The following SNTB1 variants were observed in gnomAD, a reference collection of about 807,000 sequenced individuals.
The protein encoded by SNTB1 is syntrophin beta 1.
SNTB1 carries 36 observed loss-of-function variants against 48.9 expected under a neutral mutation model. The observed-to-expected ratio is 0.74, with a 90% CI of 0.56 to 0.97. The LOEUF (loss-of-function observed/expected upper bound fraction) is 0.97. Ranked by LOEUF, SNTB1 falls within the 50% of genes least tolerant of loss-of-function variation. The probability of loss-of-function intolerance (pLI) is 0.00; values close to 1 mark genes in which losing one functional copy is unlikely to be tolerated. For missense variants in SNTB1, 786 were observed against 703.4 expected (o/e 1.12, Z -1.33); for synonymous variants, 299 against 294.6 (o/e 1.01, Z -0.15).
At chr8:120,746,299 C>T (rs745832759) in intron 1 of SNTB1, among the ~76,000 whole-genome samples, 8 of 152,008 alleles carry the variant, frequency 5.3e-5, no homozygotes, top group Admixed American at 2.6e-4. Flanking sequence ...TTCTTAATAA[C>T]ATTTTTTTCT....
intron 1 of SNTB1, among the ~76,000 whole-genome samples, chr8:120,704,362 A>G (rs533930603): frequency 6.6e-6 from 1 of 152,270 alleles, no homozygotes; most frequent in South Asian, 2.1e-4. Context: ...AGGCTGAAGC[A>G]GGAGGATCAC....
chr8:120,614,976 T>TAAAAAAAAA (rs61318757), intron 3 of SNTB1, among the ~76,000 whole-genome samples: 21 of 73,270 alleles, frequency 2.9e-4, no homozygotes, highest in African/African-American at 9.8e-4. Context: ...TCACCTCTAC[T>TAAAAAAAAA]AAAAAAAAAA....
intron 5 of SNTB1, among the ~76,000 whole-genome samples, chr8:120,545,287 G>A (rs544924325): frequency 6.6e-6 from 1 of 152,164 alleles, no homozygotes; most frequent in East Asian, 1.9e-4. Flanking sequence ...GAGGTTGCAG[G>A]GAGCCGAGAT....
At chr8:120,736,483 C>T (rs935677393) in intron 1 of SNTB1, among the ~76,000 whole-genome samples, 3 of 152,182 alleles carry the variant, frequency 2.0e-5, no homozygotes, top group African/African-American at 7.2e-5. Flanking sequence ...TGACCATGAA[C>T]CTGCTTACTG....
chr8:120,765,049 A>C (rs992655543), intron 1 of SNTB1, among the ~76,000 whole-genome samples: 5 of 152,154 alleles, frequency 3.3e-5, no homozygotes, highest in African/African-American at 1.2e-4. Flanking sequence ...AACAAGGTGA[A>C]ACCCCATCAC....
chr8:120,781,230 T>C (rs1045555389), intron 1 of SNTB1, among the ~76,000 whole-genome samples: 13 of 152,212 alleles, frequency 8.5e-5, no homozygotes, highest in Non-Finnish European at 1.5e-4. Flanking sequence ...TTTTTAAAGT[T>C]AGGGTGGTAA....
intron 1 of SNTB1, among the ~76,000 whole-genome samples, chr8:120,734,511 T>C (rs533635863): frequency 1.3e-5 from 2 of 152,224 alleles, no homozygotes; most frequent in South Asian, 4.1e-4. Context: ...GAATGCTTGC[T>C]ATGCGCCAGG....
chr8:120,548,840 T>C lies in SNTB1; in HGVS notation c.1255A>G (p.Arg419Gly), dbSNP rs1378572708. Reference sequence around the variant, plus strand: ...CTCCTTGTCCAGTGGGAGAGGTCCCTGCTGGTCTCTGCTCTGAAGAGATGT... The same window carrying C: ...CTCCTTGTCCAGTGGGAGAGGTCCCCGCTGGTCTCTGCTCTGAAGAGATGT... ...ETHLFRAETS[R>G]DLSHWTRSIV... The change falls in exon 5 of 7, where the codon AGG becomes GGG. Residue 419 changes from arginine to glycine, a missense_variant. Transcript: ENST00000517992. 2 of 1,614,038 alleles carry C rather than the reference T, an allele frequency of 1.2e-6. No homozygotes were observed. The highest frequency in any genetic ancestry group is 1.7e-6 in the Non-Finnish European group (2 of 1,180,008).
intron 2 of SNTB1, among the ~76,000 whole-genome samples, chr8:120,658,633 T>G (rs1817535904): frequency 6.6e-6 from 1 of 152,202 alleles, no homozygotes. Flanking sequence ...ACACTTTAAC[T>G]TAAAAATACT....
At chr8:120,570,397 G>T (rs931864696) in intron 4 of SNTB1, 2 of 152,180 alleles carry the variant, frequency 1.3e-5, no homozygotes, top group Non-Finnish European at 2.9e-5. Flanking sequence ...GACTCCTGCT[G>T]TTCCCCATGG....
At chr8:120,774,278 C>T (rs1819692942) in intron 1 of SNTB1, among the ~76,000 whole-genome samples, 1 of 152,194 alleles carries the variant, frequency 6.6e-6, no homozygotes, top group African/African-American at 2.4e-5. Context: ...CATTCATGAG[C>T]ACACCCCATG....
intron 3 of SNTB1, among the ~76,000 whole-genome samples, chr8:120,618,492 T>A (rs1342920954): frequency 6.6e-6 from 1 of 152,224 alleles, no homozygotes; most frequent in Admixed American, 6.5e-5. Flanking sequence ...GTCACCATCA[T>A]AGTCCCACTA....
chr8:120,693,722 C>T lies in SNTB1; in HGVS notation c.758G>A (p.Arg253Gln), dbSNP rs141748844. Residue 253 changes from arginine (R) to glutamine (Q), a missense_variant, in exon 2 of 7, where the codon CGG becomes CAG. Physicochemically the swap from Arg to Gln is conservative, Grantham distance 43. Transcript: ENST00000517992. ...SIPLKMCYVT[R>Q]SMALADPENR... ...CTCAGGGTCGGCCAAGGCCATACTC[C>T]GAGTGACGTAGCACATTTTGAGGGG... The T allele has an allele frequency of 7.2e-5, 117 of 1,613,898 alleles. 1 individual carries two copies. Among genetic ancestry groups the T allele is most frequent in the East Asian group, 1.3e-4 (6 of 44,872 alleles).
intron 1 of SNTB1, among the ~76,000 whole-genome samples, chr8:120,789,758 C>CA (rs776049110): frequency 5.1e-4 from 77 of 151,748 alleles, no homozygotes; most frequent in African/African-American, 1.7e-3. Context: ...AAGCTGCCAA[C>CA]AAAAAAAGCC....
At chr8:120,716,965 C>A (rs747297360) in intron 1 of SNTB1, among the ~76,000 whole-genome samples, 1 of 152,206 alleles carries the variant, frequency 6.6e-6, no homozygotes, top group Non-Finnish European at 1.5e-5. Context: ...AGCTACTCCT[C>A]TCTGCAGAAA....
chr8:120,785,860 G>A (rs1053581642), intron 1 of SNTB1, among the ~76,000 whole-genome samples: 3 of 152,194 alleles, frequency 2.0e-5, no homozygotes, highest in Non-Finnish European at 4.4e-5. Flanking sequence ...CAATAACACA[G>A]CACTCAGGAA....
In SNTB1 at chr8:120,778,329, A is replaced by T. The variant is rs549970763; in HGVS notation, c.571+32944T>A. ...TACTACCCCCACAAAATGATATTCT[A>T]TTTATTTCGCAACCCAGGGTGCCTA... On this transcript the variant is annotated intron_variant, in intron 1 of 6. Coordinates refer to ENST00000517992, the MANE Select transcript of SNTB1 (RefSeq NM_021021.4). 3.5e-4 allele frequency among the ~76,000 whole-genome samples: 53 copies of T among 152,332 alleles called. 2 individuals are homozygous for T. The South Asian group carries it at 0.011, about 30-fold the overall frequency.
At chr8:120,799,946 A>G (rs1294544720) in intron 1 of SNTB1, among the ~76,000 whole-genome samples, 3 of 152,118 alleles carry the variant, frequency 2.0e-5, no homozygotes, top group African/African-American at 7.2e-5. Flanking sequence ...TTCCTGTTCC[A>G]TACTAATTTT....
At chr8:120,756,065 T>C (rs1819312879) in intron 1 of SNTB1, among the ~76,000 whole-genome samples, 1 of 152,188 alleles carries the variant, frequency 6.6e-6, no homozygotes, top group Admixed American at 6.5e-5. Context: ...GTGAAAGAGA[T>C]GCCTACATTG....
Sources: gnomAD v4.1 joint callset for allele counts (sites outside exome capture counted in the v4.1 genomes callset) on GRCh38, gnomAD v4.1.1 for gene constraint, MANE v1.5 for transcripts, NCBI Gene and HGNC (gene_info 2026-07-23, HGNC 2026-07-21) for gene names.